The following TDRD10 variants were observed in gnomAD, a reference collection of about 807,000 sequenced individuals.
TDRD10 encodes the protein tudor domain-containing protein 10.
TDRD10 carries 40 observed loss-of-function variants against 48.0 expected under a neutral mutation model. The ratio of observed to expected loss-of-function variants is 0.83; its 90% CI spans 0.65 to 1.09. The LOEUF is 1.09. TDRD10 is among the 50% of genes least tolerant of loss of function. The probability of loss-of-function intolerance (pLI) is 0.00; values close to 1 mark genes in which losing one functional copy is unlikely to be tolerated. For synonymous variants in TDRD10, 162 were observed against 170.4 expected (o/e 0.95, Z 0.38); for missense variants, 378 against 434.7 (o/e 0.87, Z 1.16).
intron 6 of TDRD10, among the ~76,000 whole-genome samples, chr1:154,522,101 A>G (rs568788809): frequency 2.8e-4 from 42 of 152,338 alleles, no homozygotes; most frequent in Admixed American, 2.5e-3. Flanking sequence ...ATACGAGGAA[A>G]TCTGAACAAT....
At chr1:154,506,750 A>G (rs1176551377) in intron 1 of TDRD10, 127 bp from the exon 2 acceptor site, 5 of 774,304 alleles carry the variant, frequency 6.5e-6, no homozygotes, top group Middle Eastern at 2.4e-4. Flanking sequence ...CATAGGTTCT[A>G]GGGATTAGGA....
At chr1:154,525,630 A>G (rs1388910586) in intron 6 of TDRD10, among the ~76,000 whole-genome samples, 2 of 152,206 alleles carry the variant, frequency 1.3e-5, no homozygotes, top group African/African-American at 4.8e-5. Context: ...ACGGTGGCTA[A>G]CACCTGTAAT....
At chr1:154,529,635 T>TC (rs1349515407) in intron 6 of TDRD10, among the ~76,000 whole-genome samples, 36 of 151,122 alleles carry the variant, frequency 2.4e-4, no homozygotes, top group African/African-American at 8.5e-4. Context: ...AACCTCCGCC[T>TC]CCCAGGTTCA....
intron 1 of TDRD10, among the ~76,000 whole-genome samples, chr1:154,506,622 C>T (rs981836563): frequency 3.2e-4 from 48 of 152,294 alleles, no homozygotes; most frequent in African/African-American, 1.0e-3. Flanking sequence ...GTGATCCACC[C>T]GCCTCGGCCT....
intron 9 of TDRD10, 60 bp downstream of exon 9, chr1:154,544,170 G>T (rs1695416795): frequency 1.2e-6 from 2 of 1,610,976 alleles, no homozygotes; most frequent in Non-Finnish European, 8.5e-7. Flanking sequence ...CCTCCCTAGG[G>T]TGGGCATGGT....
At chr1:154,521,917 C>A (rs988258832) in intron 6 of TDRD10, among the ~76,000 whole-genome samples, 8 of 152,006 alleles carry the variant, frequency 5.3e-5, no homozygotes, top group Non-Finnish European at 8.8e-5. Flanking sequence ...GTATGGGGGG[C>A]AGTTAATGGT....
rs2149359848 is a variant in TDRD10 at position 154,547,824 on chromosome 1, CTG to C, written c.*117_*118del. 21 of 1,328,842 alleles carry C rather than the reference CTG, an allele frequency of 1.6e-5. 1 individual carries two copies. In the South Asian group the frequency reaches 2.6e-4, roughly 16 times the overall value. 82.3% of individuals were successfully genotyped at this position (1,328,842 alleles called of 1,614,324 possible). A position where few individuals can be genotyped will look rare whatever the true frequency, so the allele number is the denominator to read the frequency against. On this transcript the variant is annotated 3_prime_UTR_variant, in exon 13 of 13. Transcript: ENST00000368482. The stretch of plus-strand genomic sequence containing the variant: ...GGCCTGGGAGGTGAAAAAGGCCAGA[CTG>C]TGCCCAGGATTGATTCAATTTTGCT...
At chr1:154,512,343 GTTGT>G (rs1203552154) in intron 4 of TDRD10, among the ~76,000 whole-genome samples, 6 of 151,908 alleles carry the variant, frequency 3.9e-5, no homozygotes, top group Non-Finnish European at 4.4e-5. Flanking sequence ...TGTTGTTGTT[GTTGT>G]TTGTTTTTGT....
At chr1:154,504,110 C>G (rs557426676) in intron 1 of TDRD10, among the ~76,000 whole-genome samples, 23 of 152,310 alleles carry the variant, frequency 1.5e-4, no homozygotes, top group African/African-American at 5.1e-4. Context: ...CTAGTCAGGA[C>G]TTTTCAGAGA....
chr1:154,514,134 G>A (rs773305037), intron 4 of TDRD10, among the ~76,000 whole-genome samples: 2 of 152,136 alleles, frequency 1.3e-5, no homozygotes, highest in African/African-American at 2.4e-5. Flanking sequence ...AGGTTGCAGC[G>A]AGCTGAGGTC....
chr1:154,513,214 AAG>A (rs1190387974), intron 4 of TDRD10, among the ~76,000 whole-genome samples: 1 of 152,258 alleles, frequency 6.6e-6, no homozygotes, highest in Non-Finnish European at 1.5e-5. Context: ...TGATTTTAAA[AAG>A]CATTAATTTG....
intron 6 of TDRD10, among the ~76,000 whole-genome samples, chr1:154,538,068 T>C (rs1052226297): frequency 6.6e-6 from 1 of 152,246 alleles, no homozygotes; most frequent in Non-Finnish European, 1.5e-5. Context: ...TGTTGGATGA[T>C]AATTATGTAG....
At position 154,521,305 on chromosome 1, in the gene TDRD10, T is replaced by C. The variant is rs1440974513; in HGVS notation, c.213-18T>C. On this transcript the variant is annotated intron_variant, in intron 5 of 12. Transcript: ENST00000368482. ...TGGAGATGTGCTCAAAGCCTCCCTC[T>C]CTCTCTTCCCTTTTCAGCTTTGCAT... 12 of 1,613,336 alleles carry C rather than the reference T, an allele frequency of 7.4e-6. No homozygotes were observed. The highest frequency in any genetic ancestry group is 1.0e-5 in the Non-Finnish European group (12 of 1,179,646).
At chr1:154,513,787 C>T (rs1024516266) in intron 4 of TDRD10, among the ~76,000 whole-genome samples, 4 of 152,134 alleles carry the variant, frequency 2.6e-5, no homozygotes, top group East Asian at 1.9e-4. Flanking sequence ...AAAATAATGC[C>T]GCCATAAAGC....
At chr1:154,531,126 C>G (rs1694594655) in intron 6 of TDRD10, among the ~76,000 whole-genome samples, 1 of 152,160 alleles carries the variant, frequency 6.6e-6, no homozygotes, top group African/African-American at 2.4e-5. Context: ...CAGGTGTGAG[C>G]CACCACGCCT....
At chr1:154,543,479 C>G (rs1318443410) in intron 8 of TDRD10, among the ~76,000 whole-genome samples, 1 of 152,102 alleles carries the variant, frequency 6.6e-6, no homozygotes, top group Non-Finnish European at 1.5e-5. Flanking sequence ...GTGTCATTAG[C>G]CCCGTGTGGT....
intron 6 of TDRD10, among the ~76,000 whole-genome samples, chr1:154,529,546 ATT>A (rs56210038): frequency 0.74 from 96,629 of 130,476 alleles, 35,505 homozygotes; most frequent in East Asian, 0.89. Flanking sequence ...TTCTGTGTTC[ATT>A]TTTTTTTTTT....
chr1:154,508,456 G>A lies in TDRD10; in HGVS notation c.116G>A (p.Gly39Asp), dbSNP rs780424900. 7.4e-6 allele frequency: 12 copies of A among 1,610,772 alleles called. No homozygotes were observed. The East Asian group carries it at 2.2e-4, about 30-fold the overall frequency. ...FKKRETEVYV[G>D]NLPLDISKEE... Reference sequence around the variant, plus strand: ...AAAAGAGAGACAGAGGTGTATGTTGGCAATCTTCCACTGGATATTTCTAAG... The same window carrying A: ...AAAAGAGAGACAGAGGTGTATGTTGACAATCTTCCACTGGATATTTCTAAG... The change falls in exon 4 of 13, where the codon GGC (glycine) becomes GAC (aspartate). Residue 39 changes from glycine to aspartate, a missense_variant. Coordinates refer to ENST00000368482, the MANE Select transcript of TDRD10 (RefSeq NM_182499.4).
intron 4 of TDRD10, among the ~76,000 whole-genome samples, chr1:154,518,629 C>T (rs1027820456): frequency 6.6e-6 from 1 of 152,134 alleles, no homozygotes; most frequent in Non-Finnish European, 1.5e-5. Context: ...CGGGGTTTCA[C>T]CGTGTTAGCC....
Sources: allele counts gnomAD v4.1 joint callset (sites outside exome capture counted in the v4.1 genomes callset), GRCh38; gene constraint gnomAD v4.1.1; transcripts MANE v1.5; gene names NCBI Gene and HGNC (gene_info 2026-07-23, HGNC 2026-07-21).